The following SPMIP2 variants were observed in gnomAD, a reference collection of about 807,000 sequenced individuals.
SPMIP2 encodes sperm microtubule inner protein 2.
chr4:158,904,623 G>A, the SPMIP2 span: 1 of 1,240,468 alleles, frequency 8.1e-7, no homozygotes, highest in East Asian at 2.3e-5. Flanking sequence ...AGCTCTCTGT[G>A]ATGTCAAAAG....
At chr4:159,036,318 G>A in the SPMIP2 span, among the ~76,000 whole-genome samples, 10 of 152,318 alleles carry the variant, frequency 6.6e-5, no homozygotes, top group South Asian at 2.1e-3. Context: ...CTGGAGGAAG[G>A]ACTGTCAGCA....
At chr4:158,988,529 T>G in the SPMIP2 span, among the ~76,000 whole-genome samples, 149,706 of 152,232 alleles carry the variant, frequency 0.98, 73,656 homozygotes, top group East Asian at 1. Flanking sequence ...ACATCAAAAA[T>G]CTCATCCACC....
At chr4:158,963,172 A>G in the SPMIP2 span, among the ~76,000 whole-genome samples, 5 of 152,154 alleles carry the variant, frequency 3.3e-5, no homozygotes, top group African/African-American at 1.2e-4. Flanking sequence ...AATATAGTAG[A>G]GAGAGACATT....
the SPMIP2 span, among the ~76,000 whole-genome samples, chr4:159,075,870 GCGTT>G: frequency 6.6e-6 from 1 of 151,288 alleles, no homozygotes. Flanking sequence ...ACATCCATGA[GCGTT>G]GGATAATGCT....
the SPMIP2 span, among the ~76,000 whole-genome samples, chr4:158,921,638 A>G: frequency 6.6e-6 from 1 of 152,144 alleles, no homozygotes; most frequent in Non-Finnish European, 1.5e-5. Context: ...CTGTAAGCCA[A>G]TTAAACCTCT....
chr4:158,919,984 C>T, the SPMIP2 span, among the ~76,000 whole-genome samples: 6 of 152,098 alleles, frequency 3.9e-5, no homozygotes, highest in South Asian at 2.1e-4. Context: ...GATTGGATTA[C>T]GGGTGTTGCA....
At chr4:158,942,359 G>A in the SPMIP2 span, among the ~76,000 whole-genome samples, 1 of 152,170 alleles carries the variant, frequency 6.6e-6, no homozygotes, top group African/African-American at 2.4e-5. Context: ...TTAGGCTTCC[G>A]GATATGTGTT....
the SPMIP2 span, among the ~76,000 whole-genome samples, chr4:158,963,552 G>T: frequency 6.6e-6 from 1 of 152,200 alleles, no homozygotes; most frequent in African/African-American, 2.4e-5. Context: ...CTCCCAAAGT[G>T]CTGGGATTAC....
At chr4:159,040,309 T>C in the SPMIP2 span, among the ~76,000 whole-genome samples, 1 of 151,712 alleles carries the variant, frequency 6.6e-6, no homozygotes. Context: ...GTAGCTGGGA[T>C]TACAGGCACG....
the SPMIP2 span, among the ~76,000 whole-genome samples, chr4:158,965,907 T>C: frequency 4.6e-5 from 7 of 152,306 alleles, no homozygotes; most frequent in South Asian, 1.4e-3. Context: ...GGTATTGATG[T>C]TGTATTGATG....
chr4:158,965,478 A>G, the SPMIP2 span, among the ~76,000 whole-genome samples: 1 of 152,182 alleles, frequency 6.6e-6, no homozygotes, highest in South Asian at 2.1e-4. Flanking sequence ...TCAAGGGCCT[A>G]TTTTGCAACT....
chr4:158,947,917 TAATGA>T, the SPMIP2 span, among the ~76,000 whole-genome samples: 1 of 152,234 alleles, frequency 6.6e-6, no homozygotes, highest in African/African-American at 2.4e-5. Context: ...TTCTCCATTT[TAATGA>T]AATAATTTAG....
the SPMIP2 span, among the ~76,000 whole-genome samples, chr4:158,970,629 G>A: frequency 1.3e-5 from 2 of 152,050 alleles, no homozygotes; most frequent in Non-Finnish European, 2.9e-5. Flanking sequence ...GAGATGAGTA[G>A]ACCCAGTGAC....
the SPMIP2 span, among the ~76,000 whole-genome samples, chr4:159,001,350 G>A: frequency 6.6e-6 from 1 of 152,150 alleles, no homozygotes; most frequent in South Asian, 2.1e-4. Context: ...TGAGAGAGTT[G>A]AGCTTTTTAA....
the SPMIP2 span, among the ~76,000 whole-genome samples, chr4:159,048,687 A>C: frequency 7.0e-6 from 1 of 143,430 alleles, no homozygotes; most frequent in Non-Finnish European, 1.5e-5. Context: ...TGTCAAAGAA[A>C]TTTGTTTACA....
At chr4:158,995,826 C>T in the SPMIP2 span, among the ~76,000 whole-genome samples, 1 of 141,680 alleles carries the variant, frequency 7.1e-6, no homozygotes. Context: ...CACCGCACTC[C>T]AGCCTGGCAA....
chr4:158,920,579 A>T, the SPMIP2 span, among the ~76,000 whole-genome samples: 2 of 152,232 alleles, frequency 1.3e-5, no homozygotes, highest in Non-Finnish European at 2.9e-5. Flanking sequence ...GGTCTCCTGC[A>T]GTACCCTCAG....
the SPMIP2 span, among the ~76,000 whole-genome samples, chr4:159,068,975 T>G: frequency 2.1e-3 from 323 of 152,286 alleles, no homozygotes; most frequent in Non-Finnish European, 2.5e-3. Context: ...AGATTACCTC[T>G]TATGTTGGTT....
the SPMIP2 span, among the ~76,000 whole-genome samples, chr4:159,032,694 C>G: frequency 1.3e-5 from 2 of 151,528 alleles, no homozygotes; most frequent in South Asian, 2.1e-4. Context: ...ACAAAAATCT[C>G]TTCAAAATAG....
Sources: allele counts gnomAD v4.1 joint callset (sites outside exome capture counted in the v4.1 genomes callset), GRCh38; gene constraint gnomAD v4.1.1; transcripts MANE v1.5; gene names NCBI Gene and HGNC (gene_info 2026-07-23, HGNC 2026-07-21).